The following FSTL5 variants were observed in gnomAD, a reference collection of about 807,000 sequenced individuals.
The protein encoded by FSTL5 is follistatin-related protein 5.
Under a neutral mutation model 89.1 loss-of-function variants are expected in FSTL5, and 62 were observed. The observed-to-expected ratio is 0.70, with a 90% CI of 0.57 to 0.86. FSTL5 has a LOEUF of 0.86. Among genes scored for constraint, FSTL5 ranks in the 40% least tolerant of loss-of-function variants. The probability of loss-of-function intolerance (pLI) is 0.00; values close to 1 mark genes in which losing one functional copy is unlikely to be tolerated. For synonymous variants in FSTL5, 383 were observed against 346.2 expected, an observed-to-expected ratio of 1.11 and a Z score of -1.18; for missense variants, 1,057 against 1,001.6, an observed-to-expected ratio of 1.06 and a Z score of -0.75.
rs754022356 is a variant in FSTL5, at chr4:161,919,747, T to C, written c.409+657A>G. On this transcript the variant is annotated intron_variant, in intron 4 of 15. Coordinates refer to ENST00000306100, the MANE Select transcript of FSTL5 (RefSeq NM_020116.5). ...AAACAACAAATAAATGTATAAAAACTGAATGATGTTAAAACTGTTCAATGA... is the reference window on the plus strand; with the variant it reads ...AAACAACAAATAAATGTATAAAAACCGAATGATGTTAAAACTGTTCAATGA... 4.5e-4 allele frequency among the ~76,000 whole-genome samples: 69 copies of C among 152,150 alleles called. 1 individual carries two copies. Among genetic ancestry groups the C allele is most frequent in the Non-Finnish European group, 1.5e-4 (10 of 68,010 alleles).
intron 4 of FSTL5, among the ~76,000 whole-genome samples, chr4:161,785,000 T>TTGCTGGCAC (rs2126814224): frequency 6.6e-6 from 1 of 152,220 alleles, no homozygotes; most frequent in Admixed American, 6.5e-5. Context: ...AGTAATCACA[T>TTGCTGGCAC]TGCTGGCACT....
chr4:162,119,546 A>G (rs1050584657), intron 1 of FSTL5, among the ~76,000 whole-genome samples: 2 of 152,222 alleles, frequency 1.3e-5, no homozygotes, highest in Non-Finnish European at 2.9e-5. Flanking sequence ...AAATTGGGAC[A>G]AAAATTATAC....
intron 12 of FSTL5, among the ~76,000 whole-genome samples, chr4:161,493,977 AAC>A (rs1014884024): frequency 3.9e-5 from 6 of 152,188 alleles, no homozygotes; most frequent in African/African-American, 1.4e-4. Context: ...GCTTAAGAGA[AAC>A]ACGAAGTGAG....
intron 6 of FSTL5, among the ~76,000 whole-genome samples, chr4:161,756,502 C>T (rs2126786891): frequency 6.6e-6 from 1 of 152,038 alleles, no homozygotes; most frequent in South Asian, 2.1e-4. Flanking sequence ...TTCAATATTC[C>T]CTAGTACTTT....
chr4:161,896,473 A>G (rs1339253742), intron 4 of FSTL5, among the ~76,000 whole-genome samples: 1 of 152,098 alleles, frequency 6.6e-6, no homozygotes, highest in Non-Finnish European at 1.5e-5. Flanking sequence ...CCACATACAC[A>G]CACACCCCTA....
At chr4:161,997,130 A>G (rs1736318939) in intron 3 of FSTL5, among the ~76,000 whole-genome samples, 1 of 152,234 alleles carries the variant, frequency 6.6e-6, no homozygotes, top group Non-Finnish European at 1.5e-5. Context: ...CAAATGAAGT[A>G]GCTAAATTAA....
In FSTL5 at chr4:162,163,858, A is replaced by C. The variant is rs952346206; in HGVS notation, c.-260T>G. The C allele has an allele frequency of 1.3e-5, 2 of 152,222 alleles. No individual in the cohort carries two copies. Among genetic ancestry groups the C allele is most frequent in the African/African-American group, 4.8e-5 (2 of 41,434 alleles). The allele number at this position is 152,222 out of a possible 1,614,324, so 9.4% of individuals were successfully genotyped here. ...AAGTTGATATGGGTCCTGTTGGTGA[A>C]GCGGGTCCCACAGGGCACAGAGGGT... is the stretch of plus-strand genomic sequence containing the variant. On this transcript the variant is annotated 5_prime_UTR_variant, in exon 1 of 16. Transcript: ENST00000306100.
rs187872759 is a variant in FSTL5, at chr4:162,160,455, G to A, written c.-17+3160C>T. On this transcript the variant is annotated intron_variant, in intron 1 of 15. Coordinates refer to ENST00000306100, the MANE Select transcript of FSTL5 (RefSeq NM_020116.5). ...AACTCTGTTTGGTAAAGGATAATTGGTCACTTGACTCTTAGAACTACTCTA... is the reference window on the plus strand; with the variant it reads ...AACTCTGTTTGGTAAAGGATAATTGATCACTTGACTCTTAGAACTACTCTA... 1.5e-3 allele frequency among the ~76,000 whole-genome samples: 232 copies of A among 151,334 alleles called. 1 individual carries two copies. Among genetic ancestry groups the A allele is most frequent in the African/African-American group, 5.4e-3 (224 of 41,396 alleles).
chr4:162,155,104 G>T (rs2110745890), intron 1 of FSTL5, among the ~76,000 whole-genome samples: 1 of 152,274 alleles, frequency 6.6e-6, no homozygotes, highest in Non-Finnish European at 1.5e-5. Flanking sequence ...CCTATAACTT[G>T]CTTTTGACCA....
At chr4:161,992,904 G>T (rs376066310) in intron 3 of FSTL5, among the ~76,000 whole-genome samples, 1 of 62,300 alleles carries the variant, frequency 1.6e-5, no homozygotes, top group African/African-American at 6.1e-5. Flanking sequence ...ATATGTGTGT[G>T]TATATATATA....
chr4:161,965,183 T>G (rs549756987), intron 3 of FSTL5, among the ~76,000 whole-genome samples: 2 of 152,264 alleles, frequency 1.3e-5, no homozygotes, highest in East Asian at 3.9e-4. Context: ...CTAAACTTCC[T>G]TTCAATATCC....
At chr4:161,553,644 AATAAT>A (rs1187910140) in intron 8 of FSTL5, among the ~76,000 whole-genome samples, 7 of 151,572 alleles carry the variant, frequency 4.6e-5, no homozygotes, top group Admixed American at 2.0e-4. Context: ...ATATGGTCCT[AATAAT>A]ATAATATATG....
intron 8 of FSTL5, among the ~76,000 whole-genome samples, chr4:161,581,472 T>G (rs1193661134): frequency 6.6e-6 from 1 of 152,182 alleles, no homozygotes; most frequent in Admixed American, 6.5e-5. Flanking sequence ...CTAGGACGGT[T>G]TACCACACCC....
At chr4:162,056,675 G>T (rs1229052270) in intron 2 of FSTL5, among the ~76,000 whole-genome samples, 2 of 152,024 alleles carry the variant, frequency 1.3e-5, no homozygotes, top group Non-Finnish European at 2.9e-5. Context: ...AACATAAAAA[G>T]AATATAATAG....
intron 4 of FSTL5, 117 bp from the exon 5 acceptor site, chr4:161,776,191 C>T (rs1741406974): frequency 1.8e-6 from 1 of 560,686 alleles, no homozygotes; most frequent in South Asian, 5.2e-5. Flanking sequence ...TTTTACTTTT[C>T]TGGTGTTTTA....
chr4:161,978,472 T>C (rs1004029427), intron 3 of FSTL5, among the ~76,000 whole-genome samples: 5 of 152,156 alleles, frequency 3.3e-5, no homozygotes, highest in Admixed American at 1.3e-4. Flanking sequence ...ACTCATGCTG[T>C]TTTATTTATT....
chr4:162,016,354 C>T (rs577180481), intron 3 of FSTL5, among the ~76,000 whole-genome samples: 1 of 152,182 alleles, frequency 6.6e-6, no homozygotes, highest in South Asian at 2.1e-4. Flanking sequence ...GAAAAAGAGG[C>T]ACACAAAATT....
intron 2 of FSTL5, among the ~76,000 whole-genome samples, chr4:162,090,919 A>C (rs948736629): frequency 6.6e-6 from 1 of 151,894 alleles, no homozygotes; most frequent in African/African-American, 2.4e-5. Flanking sequence ...TGTCAATCAT[A>C]GACTAAGATC....
chr4:162,093,308 T>C (rs1730622106), intron 2 of FSTL5, among the ~76,000 whole-genome samples: 1 of 152,172 alleles, frequency 6.6e-6, no homozygotes, highest in Non-Finnish European at 1.5e-5. Flanking sequence ...ATTTTTCACC[T>C]CTGGAAAATT....
Sources: allele counts gnomAD v4.1 joint callset (sites outside exome capture counted in the v4.1 genomes callset), GRCh38; gene constraint gnomAD v4.1.1; transcripts MANE v1.5; gene names NCBI Gene and HGNC (gene_info 2026-07-23, HGNC 2026-07-21).